OSBPL9: variants seen among roughly 807,000 people sequenced by gnomAD.
The protein encoded by OSBPL9 is oxysterol binding protein like 9.
In OSBPL9, 40 loss-of-function variants were observed where a neutral mutation model predicts 106.6. That is an observed-to-expected ratio of 0.38 (90% CI 0.29 to 0.49). The LOEUF (loss-of-function observed/expected upper bound fraction) is 0.49. Ranked by LOEUF, OSBPL9 falls within the 20% of genes least tolerant of loss-of-function variation. OSBPL9 has a pLI of 0.97. For missense variants in OSBPL9, 609 were observed against 887.2 expected (o/e 0.69, Z 3.98); for synonymous variants, 269 against 295.4 (o/e 0.91, Z 0.92).
chr1:51,657,088 A>G (rs1244438183), intron 2 of OSBPL9, among the ~76,000 whole-genome samples: 1 of 152,230 alleles, frequency 6.6e-6, no homozygotes, highest in East Asian at 1.9e-4. Flanking sequence ...TCAGTGTCAC[A>G]GTTGCCTGGC....
At chr1:51,749,471 C>G in intron 7 of OSBPL9, 1 of 418,568 alleles carries the variant, frequency 2.4e-6, no homozygotes, top group Non-Finnish European at 4.9e-6. Context: ...CGCTACCACA[C>G]ACAGCTAATT....
chr1:51,667,348 C>T (rs1469579007), intron 2 of OSBPL9, among the ~76,000 whole-genome samples: 2 of 152,066 alleles, frequency 1.3e-5, no homozygotes, highest in Non-Finnish European at 2.9e-5. Context: ...ATCTAGTATA[C>T]CCATTAGCAG....
intron 1 of OSBPL9, among the ~76,000 whole-genome samples, chr1:51,637,685 G>C (rs1321234149): frequency 6.6e-6 from 1 of 152,138 alleles, no homozygotes; most frequent in Non-Finnish European, 1.5e-5. Context: ...ACCATTATAT[G>C]AATCAGTATT....
chr1:51,523,489 A>G, the OSBPL9 span, among the ~76,000 whole-genome samples: 2 of 151,916 alleles, frequency 1.3e-5, no homozygotes, highest in Non-Finnish European at 2.9e-5. Flanking sequence ...TTTTTTTAAC[A>G]GAAGAAGAAT....
At chr1:51,764,135 C>G (rs1304868001) in intron 11 of OSBPL9, among the ~76,000 whole-genome samples, 1 of 152,208 alleles carries the variant, frequency 6.6e-6, no homozygotes, top group East Asian at 1.9e-4. Context: ...CCTTACTTCT[C>G]TTGTTAATAC....
chr1:51,543,000 T>G, the OSBPL9 span, among the ~76,000 whole-genome samples: 32 of 152,328 alleles, frequency 2.1e-4, no homozygotes, highest in South Asian at 6.6e-3. Context: ...AGTCTGAAAC[T>G]AAATCCTTCA....
upstream of OSBPL9, among the ~76,000 whole-genome samples, chr1:51,616,271 C>G (rs1165598006): frequency 2.0e-5 from 3 of 152,138 alleles, no homozygotes; most frequent in African/African-American, 7.2e-5. Context: ...AGGTGCGAGC[C>G]ACCGCGCCCA....
At chr1:51,525,800 A>G in the OSBPL9 span, among the ~76,000 whole-genome samples, 1 of 152,194 alleles carries the variant, frequency 6.6e-6, no homozygotes, top group Non-Finnish European at 1.5e-5. Flanking sequence ...ACCCAGCTGC[A>G]GTGCAGTGGC....
intron 4 of OSBPL9, among the ~76,000 whole-genome samples, chr1:51,728,381 G>A (rs1663514138): frequency 6.6e-6 from 1 of 152,210 alleles, no homozygotes; most frequent in Non-Finnish European, 1.5e-5. Flanking sequence ...TTATAGGGTG[G>A]TGGCAATGGA....
intron 14 of OSBPL9, among the ~76,000 whole-genome samples, chr1:51,775,517 G>T (rs1021110493): frequency 6.6e-6 from 1 of 152,054 alleles, no homozygotes; most frequent in Non-Finnish European, 1.5e-5. Flanking sequence ...GAGCATTCTT[G>T]TATGATGTTT....
chr1:51,590,627 AAAAAAAAAG>A (rs1397555764), intron 1 of OSBPL9, among the ~76,000 whole-genome samples: 23 of 151,524 alleles, frequency 1.5e-4, no homozygotes, highest in East Asian at 5.8e-4. Context: ...CTCAAAAAAA[AAAAAAAAAG>A]AAAAAAAAGA....
intron 3 of OSBPL9, chr1:51,709,760 CG>C (rs929785564): frequency 4.6e-5 from 7 of 152,496 alleles, no homozygotes; most frequent in African/African-American, 1.4e-4. Context: ...CCTCACAGTG[CG>C]GGCGGATGGT....
chr1:51,542,767 A>G, the OSBPL9 span, among the ~76,000 whole-genome samples: 1 of 152,362 alleles, frequency 6.6e-6, no homozygotes, highest in South Asian at 2.1e-4. Context: ...TCTAGTAAAT[A>G]CAGTGCTGGA....
chr1:51,653,183 A>T (rs1415924461), intron 2 of OSBPL9, among the ~76,000 whole-genome samples: 3 of 151,248 alleles, frequency 2.0e-5, no homozygotes, highest in Non-Finnish European at 4.4e-5. Context: ...TAAAAATTCA[A>T]CTTCTAGTTT....
At chr1:51,652,895 C>A (rs1042334116) in intron 2 of OSBPL9, among the ~76,000 whole-genome samples, 21 of 152,210 alleles carry the variant, frequency 1.4e-4, no homozygotes, top group Non-Finnish European at 2.8e-4. Context: ...CTAGGTTAAT[C>A]AGCTTCTAGG....
the OSBPL9 span, chr1:51,563,562 A>G: frequency 0.04 from 6,050 of 152,414 alleles, 176 homozygotes; most frequent in Non-Finnish European, 0.062. Context: ...TGTTTCATCA[A>G]TTAGCGTTGA....
Position 51,784,541 on chromosome 1 carries a change from C to T in OSBPL9, c.1788C>T (p.Pro596=), listed in dbSNP as rs773851540. The T allele has an allele frequency of 1.9e-6, 3 of 1,614,134 alleles. No homozygotes were observed. The highest frequency in any genetic ancestry group is 1.1e-5 in the South Asian group (1 of 91,090). The change falls in exon 20 of 24, where the codon CCC becomes CCT. Residue 596 remains proline, a synonymous_variant. Coordinates refer to ENST00000428468, the MANE Select transcript of OSBPL9 (RefSeq NM_024586.6). ...YSANIIFHTK[P]FYGGKKHRIT... ...CAAATATCATCTTCCACACTAAACC[C>T]TTCTATGGGGGCAAGAAGCACAGAA...
At chr1:51,628,144 G>A (rs547651593) in intron 1 of OSBPL9, among the ~76,000 whole-genome samples, 2 of 151,272 alleles carry the variant, frequency 1.3e-5, no homozygotes, top group African/African-American at 2.4e-5. Flanking sequence ...GGTCTATACA[G>A]TAGAAGGAAG....
the OSBPL9 span, among the ~76,000 whole-genome samples, chr1:51,551,934 T>A: frequency 2.7e-5 from 4 of 149,750 alleles, no homozygotes; most frequent in Admixed American, 6.6e-5. Flanking sequence ...TTTATTTACA[T>A]ACAAAGTTTC....
Sources: allele counts gnomAD v4.1 joint callset (sites outside exome capture counted in the v4.1 genomes callset), GRCh38; gene constraint gnomAD v4.1.1; transcripts MANE v1.5; gene names NCBI Gene and HGNC (gene_info 2026-07-23, HGNC 2026-07-21).